The following METTL15 variants were observed in gnomAD, a reference collection of about 807,000 sequenced individuals.
The protein encoded by METTL15 is methyltransferase 15, mitochondrial 12S rRNA N4-cytidine, also known as 12S rRNA N(4)-cytidine methyltransferase METTL15.
In METTL15, 34 loss-of-function variants were observed where a neutral mutation model predicts 38.3. The ratio of observed to expected loss-of-function variants is 0.89; its 90% CI spans 0.68 to 1.18. The LOEUF (loss-of-function observed/expected upper bound fraction) is 1.18. METTL15 is among the 50% of genes most tolerant of loss of function. METTL15 has a pLI of 0.00. For missense variants in METTL15, 438 were observed against 498.4 expected, an observed-to-expected ratio of 0.88 and a Z score of 1.15; for synonymous variants, 162 against 170.9, an observed-to-expected ratio of 0.95 and a Z score of 0.41.
chr11:28,209,913 T>C (rs1326447698), intron 3 of METTL15, among the ~76,000 whole-genome samples: 1 of 152,026 alleles, frequency 6.6e-6, no homozygotes, highest in African/African-American at 2.4e-5. Context: ...AGTAGACTTA[T>C]GTTGTCATTG....
chr11:28,359,519 A>T (rs184087505), intron 4 of METTL15, among the ~76,000 whole-genome samples: 6 of 152,252 alleles, frequency 3.9e-5, no homozygotes. Flanking sequence ...ACAGTGACTG[A>T]ACTTATTTTC....
chr11:28,207,841 G>T (rs74949546), intron 3 of METTL15, among the ~76,000 whole-genome samples: 1 of 151,914 alleles, frequency 6.6e-6, no homozygotes, highest in East Asian at 1.9e-4. Context: ...GTCTTGGGAG[G>T]GTGTATGTGT....
At chr11:28,222,675 C>T (rs982806197) in intron 4 of METTL15, among the ~76,000 whole-genome samples, 4 of 152,156 alleles carry the variant, frequency 2.6e-5, no homozygotes, top group African/African-American at 9.7e-5. Context: ...GGACCTGTTC[C>T]TATTCGGCCA....
chr11:28,461,211 G>A (rs1358894279), intron 6 of METTL15, among the ~76,000 whole-genome samples: 1 of 151,972 alleles, frequency 6.6e-6, no homozygotes, highest in South Asian at 2.1e-4. Flanking sequence ...TTTCTTCCTC[G>A]TTTTGATTAG....
intron 6 of METTL15, among the ~76,000 whole-genome samples, chr11:28,437,365 A>G (rs1431043704): frequency 6.6e-6 from 1 of 152,200 alleles, no homozygotes; most frequent in Non-Finnish European, 1.5e-5. Flanking sequence ...GACAAATATT[A>G]GGTGCTTAAT....
At chr11:28,404,740 C>A (rs535227343) in intron 5 of METTL15, among the ~76,000 whole-genome samples, 1 of 152,050 alleles carries the variant, frequency 6.6e-6, no homozygotes, top group Non-Finnish European at 1.5e-5. Flanking sequence ...CGTCGCACTG[C>A]GAAGATAATG....
intron 6 of METTL15, among the ~76,000 whole-genome samples, chr11:28,481,648 C>A (rs1851396159): frequency 6.6e-6 from 1 of 152,110 alleles, no homozygotes; most frequent in Admixed American, 6.5e-5. Context: ...GGATCACATC[C>A]CATCCTGGCC....
chr11:28,325,204 C>T (rs1213485839), intron 6 of METTL15, among the ~76,000 whole-genome samples: 5 of 152,170 alleles, frequency 3.3e-5, no homozygotes, highest in African/African-American at 9.7e-5. Context: ...GATGGCCTTC[C>T]CATGTTACGG....
At chr11:28,302,797 A>G (rs1444234906) in intron 6 of METTL15, among the ~76,000 whole-genome samples, 1 of 152,170 alleles carries the variant, frequency 6.6e-6, no homozygotes, top group Non-Finnish European at 1.5e-5. Context: ...TCATCTTTGT[A>G]AGTTGAAATG....
At chr11:28,164,457 GT>G (rs1174652366) in intron 3 of METTL15, among the ~76,000 whole-genome samples, 1 of 151,846 alleles carries the variant, frequency 6.6e-6, no homozygotes, top group Non-Finnish European at 1.5e-5. Context: ...TAATTTATAG[GT>G]TTTTCCCCCA....
intron 3 of METTL15, among the ~76,000 whole-genome samples, chr11:28,165,538 A>T (rs1213080950): frequency 2.6e-5 from 4 of 151,762 alleles, no homozygotes; most frequent in African/African-American, 9.7e-5. Flanking sequence ...TTTTCTTGCT[A>T]TTTAGTTTTT....
In METTL15 at chr11:28,395,586, C is replaced by T. The variant is rs183691388; in HGVS notation, c.*359-28713C>T. Among the ~76,000 whole-genome samples the T allele has an allele frequency of 2.0e-3, 307 of 152,104 alleles. 1 individual carries two copies. The highest frequency in any genetic ancestry group is 6.0e-3 in the African/African-American group (248 of 41,522). Reference sequence around the variant, plus strand: ...GTTGAATCCCTGAACAGACCAATAGCAGGCTGAAATAGAGGCAATAGCCTA... The same window carrying T: ...GTTGAATCCCTGAACAGACCAATAGTAGGCTGAAATAGAGGCAATAGCCTA... On this transcript the variant is annotated intron_variant and NMD_transcript_variant, in intron 5 of 7. Transcript: ENST00000532947.
At chr11:28,147,780 A>C (rs976540603) in intron 3 of METTL15, among the ~76,000 whole-genome samples, 1 of 151,910 alleles carries the variant, frequency 6.6e-6, no homozygotes, top group Non-Finnish European at 1.5e-5. Context: ...ATTCTAGCAA[A>C]AAAACAACAT....
intron 4 of METTL15, among the ~76,000 whole-genome samples, chr11:28,275,011 A>AT (rs1344323015): frequency 1.3e-5 from 2 of 151,626 alleles, no homozygotes; most frequent in Non-Finnish European, 3.0e-5. Context: ...TATGGCTTAC[A>AT]TCAATTAGAA....
intron 6 of METTL15, among the ~76,000 whole-genome samples, chr11:28,444,814 G>A (rs1056535742): frequency 2.2e-4 from 34 of 152,130 alleles, no homozygotes; most frequent in African/African-American, 8.2e-4. Context: ...AGCCTACACG[G>A]AAATAAACTG....
chr11:28,492,543 C>CACACAT (rs1404770488), intron 6 of METTL15, among the ~76,000 whole-genome samples: 1 of 150,850 alleles, frequency 6.6e-6, no homozygotes, highest in East Asian at 1.9e-4. Context: ...CACACACACA[C>CACACAT]ACATACACAC....
At chr11:28,270,819 C>T (rs924213030) in intron 4 of METTL15, among the ~76,000 whole-genome samples, 2 of 152,106 alleles carry the variant, frequency 1.3e-5, no homozygotes, top group African/African-American at 4.8e-5. Flanking sequence ...CTTAATAGTA[C>T]AGGCTTTAGA....
intron 6 of METTL15, among the ~76,000 whole-genome samples, chr11:28,513,118 A>G (rs1466884026): frequency 1.3e-5 from 2 of 152,070 alleles, no homozygotes; most frequent in Non-Finnish European, 2.9e-5. Flanking sequence ...CTCACTGCAC[A>G]TTTTCTTCCA....
At chr11:28,227,619 T>C (rs1853534621) in intron 4 of METTL15, among the ~76,000 whole-genome samples, 1 of 151,952 alleles carries the variant, frequency 6.6e-6, no homozygotes, top group Non-Finnish European at 1.5e-5. Context: ...GACAGAGTGG[T>C]AAGTTAGGGC....
Sources: allele counts gnomAD v4.1 joint callset (sites outside exome capture counted in the v4.1 genomes callset), GRCh38; gene constraint gnomAD v4.1.1; transcripts MANE v1.5; gene names NCBI Gene and HGNC (gene_info 2026-07-23, HGNC 2026-07-21).